The following DPP10 variants were observed in gnomAD, a reference collection of about 807,000 sequenced individuals.
DPP10 encodes the protein inactive dipeptidyl peptidase 10.
DPP10 carries 33 observed loss-of-function variants against 120.9 expected under a neutral mutation model. The observed-to-expected ratio is 0.27, with a 90% confidence interval of 0.21 to 0.37. The LOEUF (loss-of-function observed/expected upper bound fraction) is 0.37, where lower values mean the gene tolerates loss of function less well. Ranked by LOEUF, DPP10 falls within the 10% of genes least tolerant of loss-of-function variation. The pLI is 1.00. For synonymous variants in DPP10, 337 were observed against 326.1 expected (o/e 1.03, Z -0.36); for missense variants, 816 against 942.8 (o/e 0.87, Z 1.76).
chr2:115,471,058 T>G (rs2105174302), intron 3 of DPP10, among the ~76,000 whole-genome samples: 1 of 152,326 alleles, frequency 6.6e-6, no homozygotes, highest in East Asian at 1.9e-4. Context: ...CTATCCATAA[T>G]GATAATAGAA....
intron 3 of DPP10, among the ~76,000 whole-genome samples, chr2:115,464,011 T>C (rs2074150996): frequency 6.6e-6 from 1 of 152,132 alleles, no homozygotes; most frequent in Non-Finnish European, 1.5e-5. Context: ...GGTCCTCTCT[T>C]GCCTACCCAA....
chr2:115,489,348 C>T (rs1386583187), intron 3 of DPP10, among the ~76,000 whole-genome samples: 1 of 151,706 alleles, frequency 6.6e-6, no homozygotes, highest in East Asian at 1.9e-4. Context: ...CCCAACAGAC[C>T]AAACAGACTC....
In DPP10 at chr2:115,814,950, G is replaced by A; in HGVS notation, c.1858G>A (p.Gly620Ser). The A allele has an allele frequency of 1.2e-6, 2 of 1,611,458 alleles. No homozygotes were observed. The highest frequency in any genetic ancestry group is 1.1e-5 in the South Asian group (1 of 90,742). Residue 620 changes from glycine to serine, a missense_variant, in exon 20 of 26, where the codon GGT (glycine) becomes AGT (serine). By Grantham distance (56) the Gly-to-Ser change is moderately conservative. Coordinates refer to ENST00000410059, the MANE Select transcript of DPP10 (RefSeq NM_020868.6). The part of the protein sequence containing the change: ...KILQEIHRRL[G>S]SVEVKDQITA... ...TTTGCAGGAGATTCATCGAAGATTA[G>A]GTTCAGTAGAAGTAAAGGACCAAAT...
At chr2:115,650,873 G>A (rs1575439280) in intron 5 of DPP10, among the ~76,000 whole-genome samples, 1 of 151,956 alleles carries the variant, frequency 6.6e-6, no homozygotes, top group Admixed American at 6.6e-5. Context: ...TGAGAGGAAA[G>A]AAATGTCCAA....
At chr2:114,990,753 G>A (rs1700710746) in intron 1 of DPP10, among the ~76,000 whole-genome samples, 1 of 152,084 alleles carries the variant, frequency 6.6e-6, no homozygotes, top group African/African-American at 2.4e-5. Context: ...TTAACATCTT[G>A]TTTTCTCCTG....
intron 1 of DPP10, among the ~76,000 whole-genome samples, chr2:115,057,614 C>G (rs1382838793): frequency 6.6e-6 from 1 of 152,216 alleles, no homozygotes; most frequent in African/African-American, 2.4e-5. Flanking sequence ...TGGTCTTTTG[C>G]TTCGTTTTTT....
At chr2:114,890,555 A>G (rs563921518) in intron 1 of DPP10, among the ~76,000 whole-genome samples, 2 of 152,338 alleles carry the variant, frequency 1.3e-5, no homozygotes, top group African/African-American at 4.8e-5. Context: ...CCAACTTTTC[A>G]AATTTTTATA....
At chr2:115,405,722 A>G (rs2068457047) in intron 3 of DPP10, among the ~76,000 whole-genome samples, 1 of 152,210 alleles carries the variant, frequency 6.6e-6, no homozygotes, top group South Asian at 2.1e-4. Context: ...GCCAAGGCTT[A>G]CGACTTTTGC....
At chr2:115,099,680 T>C (rs2048584631) in intron 1 of DPP10, among the ~76,000 whole-genome samples, 1 of 152,212 alleles carries the variant, frequency 6.6e-6, no homozygotes. Context: ...TATTATACTG[T>C]TGAGGATGTA....
chr2:114,616,485 C>A (rs1693684481), intron 1 of DPP10, among the ~76,000 whole-genome samples: 1 of 152,090 alleles, frequency 6.6e-6, no homozygotes, highest in Admixed American at 6.6e-5. Flanking sequence ...ACAGACTGAA[C>A]TCCACCAAAA....
chr2:114,451,692 T>C (rs1385184836), intron 1 of DPP10, among the ~76,000 whole-genome samples: 2 of 152,088 alleles, frequency 1.3e-5, no homozygotes, highest in Admixed American at 1.3e-4. Flanking sequence ...GGAGCTGGAC[T>C]TTGTGTTGTT....
chr2:115,708,015 T>A (rs2092188250), intron 7 of DPP10, among the ~76,000 whole-genome samples: 1 of 151,996 alleles, frequency 6.6e-6, no homozygotes, highest in Non-Finnish European at 1.5e-5. Context: ...TAGATATAGA[T>A]GCAGATATCT....
At chr2:115,489,178 C>G (rs888795739) in intron 3 of DPP10, among the ~76,000 whole-genome samples, 1 of 152,052 alleles carries the variant, frequency 6.6e-6, no homozygotes, top group Non-Finnish European at 1.5e-5. Context: ...GTTGCAACTA[C>G]TCAACTATGC....
intron 3 of DPP10, among the ~76,000 whole-genome samples, chr2:115,462,089 A>G (rs778221444): frequency 1.3e-5 from 2 of 152,162 alleles, no homozygotes; most frequent in East Asian, 1.9e-4. Context: ...CAAGCTTAAC[A>G]TGTTCAAAAT....
intron 3 of DPP10, among the ~76,000 whole-genome samples, chr2:115,371,991 A>G (rs778666717): frequency 1.3e-5 from 2 of 152,124 alleles, no homozygotes; most frequent in African/African-American, 2.4e-5. Flanking sequence ...TACAGTTCTA[A>G]CAGGGACTTT....
intron 2 of DPP10, among the ~76,000 whole-genome samples, chr2:115,328,978 A>G (rs2062537826): frequency 6.6e-6 from 1 of 152,118 alleles, no homozygotes; most frequent in South Asian, 2.1e-4. Context: ...AGAACAGAGA[A>G]GCAGAGGTTA....
intron 3 of DPP10, among the ~76,000 whole-genome samples, chr2:115,482,733 A>T (rs574195177): frequency 2.6e-5 from 4 of 152,142 alleles, no homozygotes; most frequent in South Asian, 2.1e-4. Context: ...TGACATATAA[A>T]TACCAATATT....
intron 1 of DPP10, among the ~76,000 whole-genome samples, chr2:115,277,767 GA>G (rs1165398884): frequency 6.6e-6 from 1 of 151,906 alleles, no homozygotes; most frequent in African/African-American, 2.4e-5. Flanking sequence ...ATTATATCTT[GA>G]AATATATCAC....
At chr2:114,904,198 T>A (rs1054982368) in intron 1 of DPP10, among the ~76,000 whole-genome samples, 3 of 152,208 alleles carry the variant, frequency 2.0e-5, no homozygotes, top group Non-Finnish European at 2.9e-5. Context: ...AAAACTTCCA[T>A]CTTTTTAGAG....
Sources: allele counts gnomAD v4.1 joint callset (sites outside exome capture counted in the v4.1 genomes callset), GRCh38; gene constraint gnomAD v4.1.1; transcripts MANE v1.5; gene names NCBI Gene and HGNC (gene_info 2026-07-23, HGNC 2026-07-21).